The following IGFL2 variants were observed in gnomAD, a reference collection of about 807,000 sequenced individuals.
The protein encoded by IGFL2 is insulin growth factor-like family member 2.
A neutral mutation model predicts 13.9 loss-of-function variants in IGFL2; 7 were observed. The ratio of observed to expected loss-of-function variants is 0.51; its 90% CI spans 0.29 to 0.95. IGFL2 has a LOEUF of 0.95. Among genes scored for constraint, IGFL2 ranks in the 40% least tolerant of loss-of-function variants. The probability of loss-of-function intolerance (pLI) is 0.08; values close to 1 mark genes in which losing one functional copy is unlikely to be tolerated. For missense variants in IGFL2, 138 were observed against 147.8 expected, an observed-to-expected ratio of 0.93 and a Z score of 0.34; for synonymous variants, 55 against 55.8, an observed-to-expected ratio of 0.99 and a Z score of 0.07.
chr19:46,113,404 A>G, the IGFL2 span: 1 of 402,556 alleles, frequency 2.5e-6, no homozygotes, highest in South Asian at 1.8e-5. Context: ...TCATGGGGAC[A>G]TTTGGAAACT....
chr19:46,149,161 TTCTC>T (rs955695983), intron 1 of IGFL2: 16 of 645,938 alleles, frequency 2.5e-5, no homozygotes, highest in Non-Finnish European at 4.2e-5. Flanking sequence ...CCTCTCTCTC[TTCTC>T]TCTCTCTCTC....
the IGFL2 span, among the ~76,000 whole-genome samples, chr19:46,128,435 A>G: frequency 1.3e-5 from 2 of 152,300 alleles, no homozygotes; most frequent in Admixed American, 6.5e-5. Context: ...TTTCAAGGTG[A>G]ATTCTTCCAG....
At chr19:46,096,957 G>T in the IGFL2 span, among the ~76,000 whole-genome samples, 1 of 152,186 alleles carries the variant, frequency 6.6e-6, no homozygotes, top group Non-Finnish European at 1.5e-5. Context: ...TATTCATCAG[G>T]GATATTGGCC....
the IGFL2 span, among the ~76,000 whole-genome samples, chr19:46,181,071 T>TA: frequency 6.6e-6 from 1 of 152,248 alleles, no homozygotes; most frequent in African/African-American, 2.4e-5. Flanking sequence ...TGATACTTAA[T>TA]ATTTGCCATC....
downstream of IGFL2, among the ~76,000 whole-genome samples, chr19:46,162,788 A>G (rs548303643): frequency 3.3e-5 from 5 of 152,216 alleles, no homozygotes; most frequent in East Asian, 9.6e-4. Context: ...TCTGAATTCT[A>G]CTTCTGTCAT....
the IGFL2 span, among the ~76,000 whole-genome samples, chr19:46,106,021 AT>A: frequency 6.6e-6 from 1 of 152,192 alleles, no homozygotes; most frequent in African/African-American, 2.4e-5. Context: ...TTGTGAGTTT[AT>A]ATAATGGTTT....
the IGFL2 span, chr19:46,120,094 A>AT: frequency 5.2e-3 from 2,894 of 554,052 alleles, 206 homozygotes; most frequent in African/African-American, 0.052. Flanking sequence ...GGGGGATTTT[A>AT]TTGCCGATGA....
chr19:46,161,309 G>A (rs982787277), downstream of IGFL2: 23 of 383,472 alleles, frequency 6.0e-5, no homozygotes, highest in Middle Eastern at 5.1e-4. Context: ...ACCCAATGTC[G>A]TCTCCTTTCT....
chr19:46,183,495 G>T, the IGFL2 span, among the ~76,000 whole-genome samples: 1 of 148,292 alleles, frequency 6.7e-6, no homozygotes, highest in Non-Finnish European at 1.5e-5. Context: ...TTCCTCTTCT[G>T]TCTCCCAGTC....
At chr19:46,149,684 T>G (rs1479445977) in intron 1 of IGFL2, among the ~76,000 whole-genome samples, 1 of 152,120 alleles carries the variant, frequency 6.6e-6, no homozygotes, top group African/African-American at 2.4e-5. Context: ...TCAAGGCATA[T>G]CCCCATTATA....
At chr19:46,190,984 A>T in the IGFL2 span, among the ~76,000 whole-genome samples, 2 of 152,112 alleles carry the variant, frequency 1.3e-5, no homozygotes, top group African/African-American at 2.4e-5. Flanking sequence ...ATCTCCCCTC[A>T]GGCCCCTCAG....
chr19:46,207,893 A>G, the IGFL2 span: 2 of 152,266 alleles, frequency 1.3e-5, no homozygotes, highest in Non-Finnish European at 2.9e-5. Flanking sequence ...AATTGGCAGC[A>G]TTTGTGAGTT....
At chr19:46,081,590 T>G in the IGFL2 span, among the ~76,000 whole-genome samples, 2 of 152,226 alleles carry the variant, frequency 1.3e-5, no homozygotes, top group Non-Finnish European at 2.9e-5. Context: ...AAGCCTTGTC[T>G]TATCAGACAG....
downstream of IGFL2, chr19:46,161,336 T>G: frequency 5.0e-6 from 2 of 396,078 alleles, no homozygotes; most frequent in Non-Finnish European, 9.0e-6. Flanking sequence ...TTTTTTTTTT[T>G]GGATTGAAAT....
upstream of IGFL2, among the ~76,000 whole-genome samples, chr19:46,139,857 G>A (rs1433459955): frequency 1.3e-5 from 2 of 151,812 alleles, no homozygotes; most frequent in Non-Finnish European, 2.9e-5. Flanking sequence ...ATGTGTGTAT[G>A]TATTTATATG....
chr19:46,209,866 GAT>G, the IGFL2 span: 4 of 152,122 alleles, frequency 2.6e-5, no homozygotes, highest in Non-Finnish European at 5.9e-5. Flanking sequence ...AATGACTGTG[GAT>G]TTTTTTGCTC....
chr19:46,124,682 G>A, the IGFL2 span: 2 of 1,600,864 alleles, frequency 1.2e-6, no homozygotes, highest in Non-Finnish European at 1.7e-6. Flanking sequence ...AATTGAAGAA[G>A]AGTGGTAAAA....
chr19:46,085,603 G>A, the IGFL2 span, among the ~76,000 whole-genome samples: 1 of 152,088 alleles, frequency 6.6e-6, no homozygotes, highest in African/African-American at 2.4e-5. Context: ...TTTTAAGTGG[G>A]GCATTTAGCC....
intron 1 of IGFL2, among the ~76,000 whole-genome samples, chr19:46,156,843 TAAAG>T (rs945419281): frequency 2.6e-5 from 4 of 152,066 alleles, no homozygotes; most frequent in African/African-American, 7.2e-5. Flanking sequence ...ATCAATGAAA[TAAAG>T]AGTTAATTCT....
Sources: gnomAD v4.1 joint callset for allele counts (sites outside exome capture counted in the v4.1 genomes callset) on GRCh38, gnomAD v4.1.1 for gene constraint, MANE v1.5 for transcripts, NCBI Gene and HGNC (gene_info 2026-07-23, HGNC 2026-07-21) for gene names.